Variants in MAGI1 observed in about 807,000 individuals in gnomAD.
MAGI1 encodes membrane-associated guanylate kinase, WW and PDZ domain-containing protein 1.
A neutral mutation model predicts 139.9 loss-of-function variants in MAGI1; 58 were observed. That is an observed-to-expected ratio of 0.41 (90% CI 0.34 to 0.52). MAGI1 has a LOEUF of 0.52. Among genes scored for constraint, MAGI1 ranks in the 20% least tolerant of loss-of-function variants. The pLI, the probability that MAGI1 is intolerant of heterozygous loss-of-function variation, is 0.12. For synonymous variants in MAGI1, 812 were observed against 737.9 expected (o/e 1.10, Z -1.63); for missense variants, 1,874 against 1,901.6 (o/e 0.99, Z 0.27).
chr3:65,963,299 G>A (rs917568136), intron 1 of MAGI1, among the ~76,000 whole-genome samples: 1 of 80,432 alleles, frequency 1.2e-5, no homozygotes, highest in African/African-American at 6.5e-5. Flanking sequence ...TCAACAGAGC[G>A]AGACTCTGTC....
intron 1 of MAGI1, among the ~76,000 whole-genome samples, chr3:65,879,116 C>G (rs914118715): frequency 9.9e-5 from 15 of 152,082 alleles, no homozygotes; most frequent in African/African-American, 3.6e-4. Context: ...ACAAGAGTAT[C>G]CCCACCAGGC....
chr3:66,023,568 C>G (rs1052271637), intron 1 of MAGI1, among the ~76,000 whole-genome samples: 2 of 152,228 alleles, frequency 1.3e-5, no homozygotes, highest in African/African-American at 4.8e-5. Flanking sequence ...CCATGTAATG[C>G]TGGCACTGAA....
intron 1 of MAGI1, among the ~76,000 whole-genome samples, chr3:65,987,002 C>T (rs1576367810): frequency 6.6e-6 from 1 of 151,914 alleles, no homozygotes; most frequent in East Asian, 1.9e-4. Flanking sequence ...TCCAGAGTAG[C>T]TGGGACTACA....
At chr3:65,737,383 A>G (rs923299613) in intron 1 of MAGI1, among the ~76,000 whole-genome samples, 1 of 152,240 alleles carries the variant, frequency 6.6e-6, no homozygotes, top group Admixed American at 6.5e-5. Context: ...ATGGATGAAT[A>G]AATCAGCCTT....
chr3:65,653,698 C>A (rs957292959), intron 1 of MAGI1, among the ~76,000 whole-genome samples: 1 of 152,056 alleles, frequency 6.6e-6, no homozygotes, highest in South Asian at 2.1e-4. Context: ...TCTATTGTAC[C>A]CTTCCTAAGG....
intron 1 of MAGI1, among the ~76,000 whole-genome samples, chr3:65,952,892 G>T (rs1389698677): frequency 6.6e-6 from 1 of 152,178 alleles, no homozygotes; most frequent in East Asian, 1.9e-4. Flanking sequence ...AGTATTTCCT[G>T]TTGTTTGTCT....
At chr3:65,811,593 C>T (rs1406344661) in intron 1 of MAGI1, among the ~76,000 whole-genome samples, 3 of 152,056 alleles carry the variant, frequency 2.0e-5, no homozygotes, top group Non-Finnish European at 4.4e-5. Context: ...GTTCCTGAAA[C>T]TGCAGAACGA....
At chr3:65,700,287 C>G (rs1052316998) in intron 1 of MAGI1, among the ~76,000 whole-genome samples, 8 of 151,940 alleles carry the variant, frequency 5.3e-5, no homozygotes, top group African/African-American at 1.7e-4. Context: ...ACTAAAAACA[C>G]AAAAATTAGT....
chr3:65,655,148 G>A (rs529544704), intron 1 of MAGI1, among the ~76,000 whole-genome samples: 15 of 152,164 alleles, frequency 9.9e-5, no homozygotes, highest in African/African-American at 2.6e-4. Context: ...AGAGTGGAGC[G>A]GGGATGTCTC....
At chr3:65,580,803 G>A (rs902933830) in intron 2 of MAGI1, among the ~76,000 whole-genome samples, 1 of 152,106 alleles carries the variant, frequency 6.6e-6, no homozygotes, top group East Asian at 1.9e-4. Flanking sequence ...CTCTTACAGT[G>A]TGCACACCGG....
chr3:65,955,262 T>C (rs1038790903), intron 1 of MAGI1, among the ~76,000 whole-genome samples: 3 of 152,034 alleles, frequency 2.0e-5, no homozygotes, highest in Non-Finnish European at 2.9e-5. Flanking sequence ...TCCCAAAACT[T>C]TGGGAGGCCA....
chr3:65,988,460 C>A (rs2065997123), intron 1 of MAGI1, among the ~76,000 whole-genome samples: 1 of 152,152 alleles, frequency 6.6e-6, no homozygotes, highest in Non-Finnish European at 1.5e-5. Context: ...GGCTGCAAGG[C>A]AAGATTTCTA....
At chr3:65,485,601 T>C (rs1951573270) in intron 3 of MAGI1, among the ~76,000 whole-genome samples, 1 of 152,202 alleles carries the variant, frequency 6.6e-6, no homozygotes, top group South Asian at 2.1e-4. Context: ...ATGTTGTAGA[T>C]AGATAATAGG....
intron 8 of MAGI1, among the ~76,000 whole-genome samples, chr3:65,441,851 C>T (rs1948358178): frequency 6.6e-6 from 1 of 152,154 alleles, no homozygotes; most frequent in Non-Finnish European, 1.5e-5. Flanking sequence ...AGATGCTGGG[C>T]ATCTATTTTA....
intron 2 of MAGI1, chr3:65,549,420 G>C: frequency 1.0e-6 from 1 of 984,892 alleles, no homozygotes; most frequent in African/African-American, 1.7e-5. Flanking sequence ...GCGGGCCCCG[G>C]AGCGGCCCCG....
At chr3:65,947,111 A>G (rs927000536) in intron 1 of MAGI1, among the ~76,000 whole-genome samples, 3 of 152,212 alleles carry the variant, frequency 2.0e-5, no homozygotes, top group African/African-American at 7.2e-5. Flanking sequence ...AACAAATAAC[A>G]TCTCATCCTC....
chr3:65,977,256 A>G (rs754796079), intron 1 of MAGI1, among the ~76,000 whole-genome samples: 5 of 152,202 alleles, frequency 3.3e-5, no homozygotes, highest in South Asian at 2.1e-4. Flanking sequence ...TGTCAACATC[A>G]TCACTTTGTT....
At chr3:65,934,074 T>G (rs1408300426) in intron 1 of MAGI1, among the ~76,000 whole-genome samples, 2 of 152,160 alleles carry the variant, frequency 1.3e-5, no homozygotes, top group East Asian at 3.9e-4. Flanking sequence ...TGAGCTGAGA[T>G]CGCGCCACTG....
In MAGI1 at chr3:65,714,808, C is replaced by T. The variant is rs148045291; in HGVS notation, c.314-92720G>A. Among the ~76,000 whole-genome samples, 362 of 152,196 alleles carry T rather than the reference C, an allele frequency of 2.4e-3. 4 individuals carry two copies. Among genetic ancestry groups the T allele is most frequent in the Non-Finnish European group, 3.6e-3 (243 of 68,020 alleles). On this transcript the variant is annotated intron_variant, in intron 1 of 22. Transcript: ENST00000402939. ...TCATAAAATGAACACACACACACCCCCCACAACACCAATTTAAATCATCTG... is the reference window on the plus strand; with the variant it reads ...TCATAAAATGAACACACACACACCCTCCACAACACCAATTTAAATCATCTG...
Sources: gnomAD v4.1 joint callset for allele counts (sites outside exome capture counted in the v4.1 genomes callset) on GRCh38, gnomAD v4.1.1 for gene constraint, MANE v1.5 for transcripts, NCBI Gene and HGNC (gene_info 2026-07-23, HGNC 2026-07-21) for gene names.